The following BRI3 variants were observed in gnomAD, a reference collection of about 807,000 sequenced individuals.
BRI3 encodes brain protein I3.
In BRI3, 6 loss-of-function variants were observed where a neutral mutation model predicts 12.8. The observed-to-expected ratio is 0.47, with a 90% CI of 0.26 to 0.93. BRI3 has a LOEUF of 0.93. Among genes scored for constraint, BRI3 ranks in the 40% least tolerant of loss-of-function variants. BRI3 has a pLI of 0.15. For missense variants in BRI3, 134 were observed against 171.1 expected (o/e 0.78, Z 1.21); for synonymous variants, 91 against 76.1 (o/e 1.20, Z -1.02).
downstream of BRI3, chr7:98,293,195 C>A (rs911430405): frequency 3.4e-6 from 1 of 298,258 alleles, no homozygotes; most frequent in East Asian, 6.5e-5. Flanking sequence ...CATAGACTAT[C>A]CCTTATTCTG....
At chr7:98,294,239 C>T (rs1388710542), downstream of BRI3, 6 of 917,352 alleles carry the variant, frequency 6.5e-6, 1 homozygote, top group East Asian at 8.1e-5. Context: ...GTGATCCTTC[C>T]ACCTTGGCCT....
chr7:98,306,304 G>A (rs1443265612), upstream of BRI3: 11 of 1,054,894 alleles, frequency 1.0e-5, no homozygotes, highest in African/African-American at 7.9e-5. Flanking sequence ...TGTGAGCCGC[G>A]GTCTCATCTC....
At chr7:98,310,704 T>A (rs925312368), downstream of BRI3, 3 of 489,760 alleles carry the variant, frequency 6.1e-6, no homozygotes, top group Admixed American at 6.6e-5. Flanking sequence ...TTATTTATTT[T>A]GAGACAGAGT....
chr7:98,319,177 G>C, the BRI3 span, among the ~76,000 whole-genome samples: 1 of 152,144 alleles, frequency 6.6e-6, no homozygotes, highest in Non-Finnish European at 1.5e-5. Context: ...GGGTGAGCAG[G>C]AAGGGGACTT....
rs138443421 is a variant in BRI3, at chr7:98,288,833, C to T, written c.246-2278C>T. Among the ~76,000 whole-genome samples, 132 of 151,942 alleles carry T rather than the reference C, an allele frequency of 8.7e-4. 1 individual carries two copies. The highest frequency in any genetic ancestry group is 2.9e-3 in the African/African-American group (121 of 41,464). On this transcript the variant is annotated intron_variant, in intron 2 of 2. Coordinates refer to ENST00000297290, the MANE Select transcript of BRI3 (RefSeq NM_015379.5). ...CTGGTTTTGAACTGCTGGCTTTAAG[C>T]GATCCGCCTCAGCTTCCCAAAGTGC...
downstream of BRI3, chr7:98,310,690 T>TTATTTATC (rs1196716030): frequency 3.4e-6 from 3 of 888,980 alleles, no homozygotes; most frequent in Non-Finnish European, 4.8e-6. Flanking sequence ...AATAGGCTAT[T>TTATTTATC]TATTTATTTA....
downstream of BRI3, chr7:98,312,398 G>A (rs1045871245): frequency 3.0e-5 from 28 of 944,072 alleles, no homozygotes; most frequent in South Asian, 2.6e-4. Flanking sequence ...GGTTAAACTC[G>A]GTGAGCACTT....
At chr7:98,286,553 G>A (rs1055623010) in intron 2 of BRI3, among the ~76,000 whole-genome samples, 5 of 152,148 alleles carry the variant, frequency 3.3e-5, no homozygotes, top group Middle Eastern at 3.2e-3. Context: ...GGGCTCTTCC[G>A]GGTTTGGAAG....
downstream of BRI3, chr7:98,294,022 A>T: frequency 6.3e-7 from 1 of 1,595,318 alleles, no homozygotes; most frequent in Non-Finnish European, 8.6e-7. Flanking sequence ...GGGGGACACT[A>T]CAGGGAAGAG....
intron 1 of BRI3, chr7:98,307,412 A>G (rs1800699614): frequency 1.2e-5 from 15 of 1,272,366 alleles, no homozygotes; most frequent in Non-Finnish European, 1.5e-5. Context: ...GCCAAATGCT[A>G]AATTTTTTTT....
exon 2 of BRI3, chr7:98,307,766 T>C: frequency 6.2e-7 from 1 of 1,614,250 alleles, no homozygotes; most frequent in Admixed American, 1.7e-5. Flanking sequence ...CATCTCCCTG[T>C]GCAAAGCTGA....
At position 98,291,240 on chromosome 7, in the gene BRI3, T is replaced by C; in HGVS notation, c.375T>C (p.Ala125=). 6 of 1,613,034 alleles carry C rather than the reference T, an allele frequency of 3.7e-6. No individual in the cohort carries two copies. Among genetic ancestry groups the C allele is most frequent in the Non-Finnish European group, 5.1e-6 (6 of 1,180,030 alleles). ...GCCCCAACTGTGGAGCCACCTTCGCTTAAAGGGAACACCAGGCCCGGCTTT... is the reference window on the plus strand; with the variant it reads ...GCCCCAACTGTGGAGCCACCTTCGCCTAAAGGGAACACCAGGCCCGGCTTT... ...RRCPNCGATF[A] The change falls in exon 3 of 3, where the codon GCT becomes GCC. Residue 125 remains alanine (A), a synonymous_variant. Coordinates refer to ENST00000297290, the MANE Select transcript of BRI3 (RefSeq NM_015379.5).
chr7:98,295,761 C>A (rs1800163616), downstream of BRI3, among the ~76,000 whole-genome samples: 1 of 152,168 alleles, frequency 6.6e-6, no homozygotes, highest in Non-Finnish European at 1.5e-5. Flanking sequence ...CCTCCACCCA[C>A]CCCAAGCACA....
At chr7:98,293,478 A>C (rs1022555483), downstream of BRI3, 3 of 1,575,096 alleles carry the variant, frequency 1.9e-6, no homozygotes, top group African/African-American at 4.0e-5. Flanking sequence ...ATCATTCCGC[A>C]AGGGAGAACC....
chr7:98,284,254 G>A (rs911541813), intron 2 of BRI3, among the ~76,000 whole-genome samples: 3 of 152,190 alleles, frequency 2.0e-5, no homozygotes, highest in Non-Finnish European at 2.9e-5. Context: ...ATCCTGCGGC[G>A]ACCCCTTGGG....
exon 2 of BRI3, chr7:98,310,121 G>C (rs1193106878): frequency 8.6e-6 from 2 of 232,966 alleles, no homozygotes; most frequent in East Asian, 3.2e-4. Flanking sequence ...AAAGGGCTGG[G>C]ATTACAGGCG....
chr7:98,298,079 TAA>T (rs753257843), intron 1 of BRI3, among the ~76,000 whole-genome samples: 3 of 151,720 alleles, frequency 2.0e-5, no homozygotes, highest in Non-Finnish European at 2.9e-5. Flanking sequence ...AATAAAAACT[TAA>T]AGAGATATCA....
chr7:98,320,081 C>T, the BRI3 span: 1 of 1,613,642 alleles, frequency 6.2e-7, no homozygotes. Flanking sequence ...ACGTCAAGTT[C>T]TATCTTCTTC....
intron 1 of BRI3, among the ~76,000 whole-genome samples, chr7:98,298,603 ACT>A (rs1447351369): frequency 3.3e-5 from 5 of 151,712 alleles, no homozygotes; most frequent in Admixed American, 1.3e-4. Flanking sequence ...ACAGAGCAAG[ACT>A]CTGTCTCAAA....
Sources: allele counts gnomAD v4.1 joint callset (sites outside exome capture counted in the v4.1 genomes callset), GRCh38; gene constraint gnomAD v4.1.1; transcripts MANE v1.5; gene names NCBI Gene and HGNC (gene_info 2026-07-23, HGNC 2026-07-21).